ITPR2: variants seen among roughly 807,000 people sequenced by gnomAD.
The protein encoded by ITPR2 is inositol 1,4,5-trisphosphate-gated calcium channel ITPR2.
A neutral mutation model predicts 317.1 loss-of-function variants in ITPR2; 207 were observed. That is an observed-to-expected ratio of 0.65 (90% confidence interval 0.58 to 0.73). ITPR2 has a LOEUF of 0.73. Among genes scored for constraint, ITPR2 ranks in the 30% least tolerant of loss-of-function variants. ITPR2 has a pLI of 0.00. For synonymous variants in ITPR2, 1,156 were observed against 1,149.1 expected (o/e 1.01, Z -0.12); for missense variants, 2,613 against 3,284.0 (o/e 0.80, Z 4.99).
intron 34 of ITPR2, among the ~76,000 whole-genome samples, chr12:26,570,538 T>C (rs1945132366): frequency 1.3e-5 from 2 of 152,216 alleles, no homozygotes; most frequent in Admixed American, 6.5e-5. Context: ...ATTTTCTACA[T>C]GTACAATTTT....
intron 43 of ITPR2, 98 bp from the exon 44 acceptor site, chr12:26,477,105 T>C (rs1219641071): frequency 7.2e-6 from 5 of 691,482 alleles, no homozygotes; most frequent in Non-Finnish European, 1.2e-5. Context: ...GGACCTTTTT[T>C]AATCAAACGG....
At chr12:26,405,612 A>G (rs1332972105) in intron 52 of ITPR2, among the ~76,000 whole-genome samples, 1 of 152,214 alleles carries the variant, frequency 6.6e-6, no homozygotes, top group East Asian at 1.9e-4. Context: ...ACGGTATTTA[A>G]TAATGCCATT....
chr12:26,555,251 TA>T (rs1164094819), intron 36 of ITPR2, among the ~76,000 whole-genome samples: 1 of 152,202 alleles, frequency 6.6e-6, no homozygotes, highest in Non-Finnish European at 1.5e-5. Flanking sequence ...CCTAGTCCTT[TA>T]ATCTCTGCCT....
At chr12:26,506,203 T>C (rs1943178752) in intron 37 of ITPR2, among the ~76,000 whole-genome samples, 1 of 107,276 alleles carries the variant, frequency 9.3e-6, no homozygotes, top group Non-Finnish European at 2.2e-5. Context: ...ACCTCTTCTC[T>C]ACCAAATTAA....
chr12:26,702,892 G>A (rs1281088957), intron 9 of ITPR2, among the ~76,000 whole-genome samples: 3 of 144,252 alleles, frequency 2.1e-5, no homozygotes, highest in East Asian at 2.7e-4. Context: ...GGTGTTTTCC[G>A]CAATTCACCA....
intron 37 of ITPR2, among the ~76,000 whole-genome samples, chr12:26,508,334 TGGC>T (rs1335307608): frequency 4.6e-5 from 7 of 152,344 alleles, no homozygotes; most frequent in South Asian, 4.1e-4. Context: ...TCCCAGTATG[TGGC>T]ATCACTATTA....
intron 26 of ITPR2, among the ~76,000 whole-genome samples, chr12:26,619,551 G>T (rs1488340983): frequency 6.6e-6 from 1 of 152,030 alleles, no homozygotes; most frequent in Non-Finnish European, 1.5e-5. Context: ...GTCTAGGAAA[G>T]GTTTCCTTGC....
intron 55 of ITPR2, among the ~76,000 whole-genome samples, chr12:26,344,178 A>G (rs79897896): frequency 0.029 from 4,346 of 152,266 alleles, 105 homozygotes; most frequent in Middle Eastern, 0.058. Context: ...CTGTGAGCCA[A>G]TAAATTTCTG....
At chr12:26,818,404 T>G (rs1950893144) in intron 1 of ITPR2, among the ~76,000 whole-genome samples, 1 of 152,208 alleles carries the variant, frequency 6.6e-6, no homozygotes, top group East Asian at 1.9e-4. Context: ...ATCCATTTGG[T>G]TTCTCCCCTA....
chr12:26,427,578 G>C (rs1425725812), intron 49 of ITPR2, among the ~76,000 whole-genome samples: 1 of 152,104 alleles, frequency 6.6e-6, no homozygotes, highest in African/African-American at 2.4e-5. Context: ...GATTTACGAT[G>C]TCACTTTGGA....
rs1414031389 is a variant in ITPR2 at position 26,670,925 on chromosome 12, G to A, written c.1410-4874C>T. On this transcript the variant is annotated intron_variant, in intron 13 of 56. Transcript: ENST00000381340. ...ATGCAGAAGCCTCAGGAGCCAATGC[G>A]ATCAACTGGAAGAAAGGGTATCAGC... Among the ~76,000 whole-genome samples the A allele has an allele frequency of 6.6e-5, 10 of 152,238 alleles. No individual in the cohort carries two copies. The East Asian group carries it at 1.2e-3, about 18-fold the overall frequency.
At chr12:26,772,337 A>G (rs1166443808) in intron 2 of ITPR2, among the ~76,000 whole-genome samples, 1 of 148,516 alleles carries the variant, frequency 6.7e-6, no homozygotes, top group Non-Finnish European at 1.5e-5. Flanking sequence ...TCCTCCCACA[A>G]CATGTCACCA....
At chr12:26,576,334 T>C (rs1002019728) in intron 34 of ITPR2, among the ~76,000 whole-genome samples, 2 of 152,214 alleles carry the variant, frequency 1.3e-5, no homozygotes, top group Non-Finnish European at 2.9e-5. Context: ...CTGAACACTT[T>C]CTTCTGTGCA....
intron 45 of ITPR2, among the ~76,000 whole-genome samples, chr12:26,470,292 T>C (rs1256885361): frequency 6.6e-6 from 1 of 152,176 alleles, no homozygotes; most frequent in Non-Finnish European, 1.5e-5. Context: ...GGAAAGATTA[T>C]ATAATTAGAT....
intron 54 of ITPR2, among the ~76,000 whole-genome samples, chr12:26,388,189 C>A (rs1355927669): frequency 1.8e-4 from 28 of 152,116 alleles, no homozygotes; most frequent in Admixed American, 1.8e-3. Flanking sequence ...TTCCAGGGCA[C>A]ATTTTTAAGC....
intron 39 of ITPR2, 108 bp from the exon 40 acceptor site, chr12:26,487,359 C>T (rs1399619698): frequency 5.9e-6 from 4 of 676,332 alleles, no homozygotes; most frequent in Non-Finnish European, 9.7e-6. Context: ...ACTTAATGCA[C>T]CACCCATTAC....
In ITPR2 at chr12:26,686,647, C is replaced by A. The variant is rs369741914; in HGVS notation, c.997-15G>T. 6.8e-5 allele frequency: 109 copies of A among 1,592,434 alleles called. No individual in the cohort carries two copies. The highest frequency in any genetic ancestry group is 9.1e-5 in the Non-Finnish European group (106 of 1,170,466). On this transcript the variant is annotated splice_polypyrimidine_tract_variant and intron_variant, in intron 10 of 56. Transcript: ENST00000381340. Reference sequence around the variant, plus strand: ...ACTCCATCTCTCTGTTGAGGAAGTACAAGTTTATTTACTTTTATCACGTTT... The same window carrying A: ...ACTCCATCTCTCTGTTGAGGAAGTAAAAGTTTATTTACTTTTATCACGTTT...
At chr12:26,525,668 G>A (rs1351676878) in intron 37 of ITPR2, among the ~76,000 whole-genome samples, 2 of 152,130 alleles carry the variant, frequency 1.3e-5, no homozygotes, top group Admixed American at 6.5e-5. Context: ...AATAAGAACA[G>A]TATTCTAGAT....
intron 26 of ITPR2, among the ~76,000 whole-genome samples, chr12:26,609,020 C>T (rs1029582652): frequency 1.3e-5 from 2 of 152,128 alleles, no homozygotes; most frequent in African/African-American, 4.8e-5. Context: ...GATACTGATA[C>T]ATTGTATGAA....
Sources: allele counts gnomAD v4.1 joint callset (sites outside exome capture counted in the v4.1 genomes callset), GRCh38; gene constraint gnomAD v4.1.1; transcripts MANE v1.5; gene names NCBI Gene and HGNC (gene_info 2026-07-23, HGNC 2026-07-21).